The following PBX4 variants were observed in gnomAD, a reference collection of about 807,000 sequenced individuals.
PBX4 encodes the protein pre-B-cell leukemia transcription factor 4.
A neutral mutation model predicts 35.1 loss-of-function variants in PBX4; 26 were observed. The observed-to-expected ratio is 0.74, with a 90% CI of 0.54 to 1.03. The LOEUF (loss-of-function observed/expected upper bound fraction) is 1.03. Ranked by LOEUF, PBX4 falls within the 50% of genes least tolerant of loss-of-function variation. PBX4 has a pLI of 0.00. For synonymous variants in PBX4, 199 were observed against 204.2 expected, an observed-to-expected ratio of 0.97 and a Z score of 0.22; for missense variants, 448 against 504.3, an observed-to-expected ratio of 0.89 and a Z score of 1.07.
At position 19,563,639 on chromosome 19, in the gene PBX4, G is replaced by A; in HGVS notation, c.926-24C>T. On this transcript the variant is annotated intron_variant, in intron 6 of 7. Transcript: ENST00000251203. This position sits in a 1 kb window ranked among gnomAD's most constrained non-coding sequence, Gnocchi z 5.1. ...GCCTGGAAGAGATGGGAGCCGGGGT[G>A]GGCAGAGTCGTGGCGCCTCCTCAGG... 2 of 1,541,092 alleles carry A rather than the reference G, an allele frequency of 1.3e-6. No individual in the cohort carries two copies. Among genetic ancestry groups the A allele is most frequent in the African/African-American group, 1.4e-5 (1 of 72,850 alleles).
chr19:19,616,571 C>G (rs1259574346), intron 1 of PBX4, among the ~76,000 whole-genome samples: 3 of 151,938 alleles, frequency 2.0e-5, no homozygotes, highest in African/African-American at 7.3e-5. Context: ...CCCACCTTGG[C>G]CTCCCAAAGT....
At chr19:19,590,949 G>A (rs1220392143) in intron 2 of PBX4, among the ~76,000 whole-genome samples, 1 of 152,138 alleles carries the variant, frequency 6.6e-6, no homozygotes, top group Non-Finnish European at 1.5e-5. Flanking sequence ...TTGAAATGTG[G>A]CTGGTGTGGC....
In PBX4 at chr19:19,563,579, TC is replaced by T; in HGVS notation, c.961del (p.Asp321ThrfsTer59). 3 of 1,550,028 alleles carry T rather than the reference TC, an allele frequency of 1.9e-6. No homozygotes were observed. The highest frequency in any genetic ancestry group is 2.6e-6 in the Non-Finnish European group (3 of 1,147,064). On this transcript the variant is annotated frameshift_variant, in exon 7 of 8. Transcript: ENST00000251203. LOFTEE classifies it high-confidence loss of function. This position sits in a 1 kb window ranked among gnomAD's most constrained non-coding sequence, Gnocchi z 5.1. ...CAGAGTCCGCAGGGTGAGGAAGGCG[TC>T]CCCAGCGCTGGGCAGCGGGAAGGGT... ...SGPFPLPSAG[D>X]AFLTLRTLAS...
chr19:19,607,145 C>G (rs2061636435), intron 1 of PBX4, among the ~76,000 whole-genome samples: 1 of 152,124 alleles, frequency 6.6e-6, no homozygotes, highest in African/African-American at 2.4e-5. Context: ...CCTCTGTCTC[C>G]TAGGTTCAAG....
intron 2 of PBX4, among the ~76,000 whole-genome samples, chr19:19,584,104 G>A (rs2144739892): frequency 6.6e-6 from 1 of 152,136 alleles, no homozygotes; most frequent in African/African-American, 2.4e-5. Flanking sequence ...TGGGTGTAGT[G>A]GTGCACACCT....
At chr19:19,618,186 C>T (rs758970849) in intron 1 of PBX4, among the ~76,000 whole-genome samples, 6 of 151,956 alleles carry the variant, frequency 3.9e-5, no homozygotes, top group Non-Finnish European at 8.8e-5. Context: ...CTTCCAGCCG[C>T]AGGAGTCCCA....
At chr19:19,601,151 G>A (rs1025644174) in intron 1 of PBX4, among the ~76,000 whole-genome samples, 10 of 152,224 alleles carry the variant, frequency 6.6e-5, no homozygotes, top group Admixed American at 6.5e-4. Flanking sequence ...GACAGTGATG[G>A]TTAGAAGGCT....
intron 1 of PBX4, among the ~76,000 whole-genome samples, chr19:19,604,182 C>A (rs76636151): frequency 0.036 from 5,400 of 151,750 alleles, 150 homozygotes; most frequent in Middle Eastern, 0.051. Flanking sequence ...TGATTAACAC[C>A]ATGAGAGGTT....
chr19:19,578,996 C>A (rs1241928419), intron 2 of PBX4, among the ~76,000 whole-genome samples: 2 of 152,150 alleles, frequency 1.3e-5, no homozygotes, highest in African/African-American at 4.8e-5. Context: ...ACCTGGCCAG[C>A]ACCTTCGTCT....
chr19:19,593,330 C>G (rs1599367154), intron 2 of PBX4, among the ~76,000 whole-genome samples: 1 of 152,206 alleles, frequency 6.6e-6, no homozygotes, highest in East Asian at 1.9e-4. Context: ...CGCCAGGACC[C>G]CGGCTCATGG....
At chr19:19,587,592 TAAAAAAAAAA>T (rs34647983) in intron 2 of PBX4, among the ~76,000 whole-genome samples, 1 of 90,684 alleles carries the variant, frequency 1.1e-5, no homozygotes, top group Non-Finnish European at 2.1e-5. Flanking sequence ...CGTCTCAAAT[TAAAAAAAAAA>T]AAAAAAAAAA....
At chr19:19,603,567 C>A in intron 1 of PBX4, among the ~76,000 whole-genome samples, 1 of 152,160 alleles carries the variant, frequency 6.6e-6, no homozygotes, top group Non-Finnish European at 1.5e-5. Flanking sequence ...CCACGGTGCC[C>A]AGCCTGTTGT....
At chr19:19,597,968 G>C (rs760041976) in intron 2 of PBX4, among the ~76,000 whole-genome samples, 1 of 152,158 alleles carries the variant, frequency 6.6e-6, no homozygotes, top group Non-Finnish European at 1.5e-5. Flanking sequence ...CAGACAAACC[G>C]CACTGAGGGA....
chr19:19,565,810 C>T (rs1568377050), intron 5 of PBX4, among the ~76,000 whole-genome samples: 2 of 151,858 alleles, frequency 1.3e-5, no homozygotes, highest in South Asian at 2.1e-4. Flanking sequence ...CCCAGCTACT[C>T]GGGAGGCTGA....
chr19:19,599,258 C>G (rs773609253), intron 2 of PBX4, 34 bp downstream of exon 2: 7 of 1,576,634 alleles, frequency 4.4e-6, no homozygotes, highest in African/African-American at 1.3e-5. Flanking sequence ...TGAGCCACCA[C>G]GCTCGGCCAG....
chr19:19,581,868 A>G (rs746494092), intron 2 of PBX4, among the ~76,000 whole-genome samples: 25 of 152,146 alleles, frequency 1.6e-4, no homozygotes, highest in Non-Finnish European at 2.5e-4. Context: ...CAGTGTGAGA[A>G]TAGGTGGGGG....
chr19:19,596,377 T>C (rs1473784336), intron 2 of PBX4, among the ~76,000 whole-genome samples: 1 of 151,260 alleles, frequency 6.6e-6, no homozygotes. Context: ...AATAAATAAA[T>C]AAATAAATAA....
In PBX4 at chr19:19,561,783, GT is replaced by G. The variant is rs894756371; in HGVS notation, c.*241del. The G allele has an allele frequency of 4.5e-5, 20 of 447,270 alleles. No homozygotes were observed. The highest frequency in any genetic ancestry group is 4.0e-4 in the African/African-American group (20 of 49,628). The allele number at this position is 447,270 out of a possible 1,614,324, so 27.7% of individuals were successfully genotyped here. On this transcript the variant is annotated 3_prime_UTR_variant, in exon 8 of 8. Transcript: ENST00000251203. ...TAGAACAGACAATTCAATTCATAGC[GT>G]TACCATAAAATTACTGTCAAAAAAA...
intron 2 of PBX4, among the ~76,000 whole-genome samples, chr19:19,573,261 C>T (rs1048711985): frequency 6.6e-6 from 1 of 151,010 alleles, no homozygotes; most frequent in Admixed American, 6.6e-5. Flanking sequence ...GCCGAGATCA[C>T]GCCACTGTAC....
Sources: gnomAD v4.1 joint callset for allele counts (sites outside exome capture counted in the v4.1 genomes callset) on GRCh38, gnomAD v4.1.1 for gene constraint, Gnocchi (gnomAD v3.1) non-coding constraint, MANE v1.5 for transcripts, NCBI Gene and HGNC (gene_info 2026-07-23, HGNC 2026-07-21) for gene names.